Variants in CCDC171 observed in about 807,000 individuals in gnomAD.
CCDC171 encodes coiled-coil domain-containing protein 171.
In CCDC171, 177 loss-of-function variants were observed where a neutral mutation model predicts 168.2. The ratio of observed to expected loss-of-function variants is 1.05; its 90% CI spans 0.93 to 1.19. The LOEUF is 1.19. Among genes scored for constraint, CCDC171 ranks in the 50% most tolerant of loss-of-function variants. CCDC171 has a pLI of 0.00. For synonymous variants in CCDC171, 687 were observed against 540.8 expected (o/e 1.27, Z -3.75); for missense variants, 1,991 against 1,539.0 (o/e 1.29, Z -4.91).
the CCDC171 span, among the ~76,000 whole-genome samples, chr9:16,067,476 A>G: frequency 6.6e-6 from 1 of 151,952 alleles, no homozygotes; most frequent in African/African-American, 2.4e-5. Context: ...ATTAGATCCC[A>G]TTTGTCAATT....
intron 24 of CCDC171, among the ~76,000 whole-genome samples, chr9:15,882,727 C>T (rs966924960): frequency 3.9e-5 from 6 of 151,994 alleles, no homozygotes; most frequent in Non-Finnish European, 7.4e-5. Flanking sequence ...GGGAAAACTG[C>T]TTGATAATTA....
chr9:15,576,921 G>T (rs909067446), intron 3 of CCDC171, among the ~76,000 whole-genome samples: 3 of 152,202 alleles, frequency 2.0e-5, no homozygotes, highest in African/African-American at 7.2e-5. Flanking sequence ...TTCAGGTGTG[G>T]TCATTACTAA....
At chr9:16,084,503 T>C in the CCDC171 span, among the ~76,000 whole-genome samples, 4 of 152,218 alleles carry the variant, frequency 2.6e-5, no homozygotes, top group East Asian at 1.9e-4. Flanking sequence ...CTCCATGTAA[T>C]TGAAGTCCAT....
At chr9:15,610,333 G>A (rs549386745) in intron 6 of CCDC171, among the ~76,000 whole-genome samples, 4 of 150,450 alleles carry the variant, frequency 2.7e-5, no homozygotes, top group South Asian at 4.3e-4. Flanking sequence ...TCGGCTGGGC[G>A]CGATGGCTCA....
intron 18 of CCDC171, among the ~76,000 whole-genome samples, chr9:15,764,322 G>A: frequency 6.6e-6 from 1 of 152,218 alleles, no homozygotes; most frequent in South Asian, 2.1e-4. Context: ...GATTATCTCT[G>A]ACTTCTATCA....
chr9:15,825,099 T>C (rs2059957756), intron 21 of CCDC171, among the ~76,000 whole-genome samples: 1 of 152,168 alleles, frequency 6.6e-6, no homozygotes, highest in Admixed American at 6.6e-5. Context: ...CTTCAAATTT[T>C]CTTCTTCATC....
chr9:15,912,964 G>A (rs539576201), intron 24 of CCDC171, among the ~76,000 whole-genome samples: 29 of 152,220 alleles, frequency 1.9e-4, no homozygotes, highest in Admixed American at 5.2e-4. Flanking sequence ...GGATTTTCAC[G>A]TTGATATTCA....
chr9:15,941,627 A>C (rs910405349), intron 25 of CCDC171, among the ~76,000 whole-genome samples: 2 of 151,982 alleles, frequency 1.3e-5, no homozygotes, highest in Non-Finnish European at 2.9e-5. Context: ...AAGAAGAGAG[A>C]ATTGTGATAA....
intron 6 of CCDC171, among the ~76,000 whole-genome samples, chr9:15,601,081 C>T (rs147332679): frequency 3.0e-3 from 450 of 152,326 alleles, no homozygotes; most frequent in African/African-American, 0.01. Context: ...CCTTGTGCCT[C>T]CTGGGGGAGG....
chr9:16,075,296 C>T, the CCDC171 span, among the ~76,000 whole-genome samples: 1 of 152,150 alleles, frequency 6.6e-6, no homozygotes, highest in Non-Finnish European at 1.5e-5. Context: ...TTCCTGGTGT[C>T]AACTGTTACT....
chr9:15,675,612 T>A (rs562448801), intron 9 of CCDC171, among the ~76,000 whole-genome samples: 1 of 152,196 alleles, frequency 6.6e-6, no homozygotes, highest in Non-Finnish European at 1.5e-5. Flanking sequence ...AAAAGGATTT[T>A]ATTTCTCCTT....
chr9:15,877,427 A>G (rs1169458337), intron 24 of CCDC171, among the ~76,000 whole-genome samples: 1 of 151,938 alleles, frequency 6.6e-6, no homozygotes, highest in Non-Finnish European at 1.5e-5. Flanking sequence ...GTTATTTAAG[A>G]TCTTTTTTTT....
intron 4 of CCDC171, among the ~76,000 whole-genome samples, chr9:15,583,356 G>C (rs138884921): frequency 0.054 from 7,966 of 146,278 alleles, 278 homozygotes; most frequent in Non-Finnish European, 0.079. Flanking sequence ...AGGTTGCAGT[G>C]AGCCAAGATC....
intron 9 of CCDC171, among the ~76,000 whole-genome samples, chr9:15,671,253 G>C (rs902554651): frequency 5.3e-5 from 8 of 152,062 alleles, no homozygotes; most frequent in African/African-American, 1.9e-4. Context: ...CTACACCTCA[G>C]AGACGCTATC....
intron 23 of CCDC171, among the ~76,000 whole-genome samples, chr9:15,862,101 T>C (rs2061585241): frequency 6.6e-6 from 1 of 152,006 alleles, no homozygotes; most frequent in African/African-American, 2.4e-5. Flanking sequence ...AAAAGTCAAT[T>C]GATAGTTTAA....
chr9:15,688,555 C>T (rs1007959067), intron 10 of CCDC171, among the ~76,000 whole-genome samples: 3 of 152,130 alleles, frequency 2.0e-5, no homozygotes, highest in Non-Finnish European at 2.9e-5. Context: ...GAATGTAATA[C>T]TAGTTTAACA....
chr9:16,046,340 C>A (rs1377530228), intron 1 of CCDC171, among the ~76,000 whole-genome samples: 1 of 152,078 alleles, frequency 6.6e-6, no homozygotes, highest in Non-Finnish European at 1.5e-5. Context: ...CTTTTTGAGG[C>A]CCAAACCAGA....
intron 21 of CCDC171, among the ~76,000 whole-genome samples, chr9:15,831,027 T>G (rs2060209103): frequency 6.8e-6 from 1 of 146,324 alleles, no homozygotes; most frequent in East Asian, 2.0e-4. Context: ...TGGAGCGCAG[T>G]GGCACGATCT....
At position 15,988,625 on chromosome 9, in the gene CCDC171, C is replaced by T. The variant is rs559619126; in HGVS notation, n.369-31964C>T. 7.2e-5 allele frequency among the ~76,000 whole-genome samples: 11 copies of T among 152,280 alleles called. No individual in the cohort carries two copies. In the South Asian group the frequency reaches 8.3e-4, roughly 11 times the overall value. ...CCACCGAGCATGAGCCAACGCAGGG[C>T]GAGGCATCGCCTCACCCGGGAAGCA... On this transcript the variant is annotated intron_variant and non_coding_transcript_variant, in intron 3 of 9. Transcript: ENST00000486641.
Sources: allele counts gnomAD v4.1 joint callset (sites outside exome capture counted in the v4.1 genomes callset), GRCh38; gene constraint gnomAD v4.1.1; transcripts MANE v1.5; gene names NCBI Gene and HGNC (gene_info 2026-07-23, HGNC 2026-07-21).